The following GNAI1 variants were observed in gnomAD, a reference collection of about 807,000 sequenced individuals.
The protein encoded by GNAI1 is G protein subunit alpha i1.
GNAI1 carries 11 observed loss-of-function variants against 38.9 expected under a neutral mutation model. The observed-to-expected ratio is 0.28, with a 90% confidence interval of 0.18 to 0.47. The LOEUF (loss-of-function observed/expected upper bound fraction) is 0.47, where lower values mean the gene tolerates loss of function less well. GNAI1 is among the 20% of genes least tolerant of loss of function. The pLI is 0.99. For synonymous variants in GNAI1, 166 were observed against 145.1 expected (o/e 1.14, Z -1.04); for missense variants, 317 against 436.9 (o/e 0.73, Z 2.45).
At chr7:80,167,664 G>T (rs1039077932) in intron 1 of GNAI1, among the ~76,000 whole-genome samples, 1 of 152,156 alleles carries the variant, frequency 6.6e-6, no homozygotes, top group African/African-American at 2.4e-5. Flanking sequence ...ATAAAAGTTG[G>T]ATGCTTGTTT....
chr7:80,189,193 G>A lies in GNAI1; in HGVS notation c.265G>A (p.Gly89Arg), dbSNP rs1788437829. 1 of 1,610,824 alleles carries A rather than the reference G, an allele frequency of 6.2e-7. No homozygotes were observed. The highest frequency in any genetic ancestry group is 1.1e-5 in the South Asian group (1 of 90,378). Residue 89 changes from glycine (G) to arginine (R), a missense_variant, in exon 3 of 8, where the codon GGG becomes AGG. Around this residue, in one of 5 missense-constraint regions of GNAI1, gnomAD observed 67 missense variants for 61.5 expected, o/e 1.09. Coordinates refer to ENST00000649796, the MANE Select transcript of GNAI1 (RefSeq NM_002069.6). ...QSIIAIIRAMGRLKIDFGDSA... is the reference protein window; with the variant it reads ...QSIIAIIRAMRRLKIDFGDSA... Reference sequence around the variant, plus strand: ...AATTATTGCTATCATTAGGGCTATGGGGAGGTTGAAGATAGACTTTGGTGA... The same window carrying A: ...AATTATTGCTATCATTAGGGCTATGAGGAGGTTGAAGATAGACTTTGGTGA...
chr7:80,198,652 T>C (rs146350718), intron 3 of GNAI1, among the ~76,000 whole-genome samples: 1 of 152,300 alleles, frequency 6.6e-6, no homozygotes, highest in Non-Finnish European at 1.5e-5. Context: ...CCATTGATTT[T>C]AATGTGTCCA....
At chr7:80,210,509 C>G (rs745989485) in intron 5 of GNAI1, among the ~76,000 whole-genome samples, 21 of 151,364 alleles carry the variant, frequency 1.4e-4, no homozygotes, top group Admixed American at 3.3e-4. Context: ...GTTAAAACGA[C>G]ATGTTTTAGT....
chr7:80,149,889 G>A (rs1787694017), intron 1 of GNAI1, among the ~76,000 whole-genome samples: 1 of 152,024 alleles, frequency 6.6e-6, no homozygotes, highest in Non-Finnish European at 1.5e-5. Context: ...TTTGTTAAAT[G>A]AGAAGAAAAA....
rs934874196 is a variant in GNAI1 at position 80,147,287 on chromosome 7, G to C, written c.118+12009G>C. The stretch of plus-strand genomic sequence containing the variant: ...CGAAACCCTAACCCCCAATGTGATA[G>C]GGTTTGGAGATGGGGCTTTTGGGAA... On this transcript the variant is annotated intron_variant, in intron 1 of 7. Coordinates refer to ENST00000649796, the MANE Select transcript of GNAI1 (RefSeq NM_002069.6). Among the ~76,000 whole-genome samples, 3 of 151,892 alleles carry C rather than the reference G, an allele frequency of 2.0e-5. No individual in the cohort carries two copies. The East Asian group carries it at 5.8e-4, about 29-fold the overall frequency.
chr7:80,180,287 T>C (rs1788268301), intron 1 of GNAI1, among the ~76,000 whole-genome samples: 2 of 151,648 alleles, frequency 1.3e-5, no homozygotes, highest in South Asian at 4.2e-4. Flanking sequence ...CCCTTATAGG[T>C]CTTACATGAA....
At chr7:80,137,317 CT>C (rs398005254) in intron 1 of GNAI1, among the ~76,000 whole-genome samples, 2,382 of 53,932 alleles carry the variant, frequency 0.044, 9 homozygotes, top group Middle Eastern at 0.062. Context: ...CTTTTCTTTT[CT>C]TTTTTTTTTT....
intron 1 of GNAI1, 182 bp downstream of exon 1, chr7:80,135,460 C>A: frequency 2.4e-6 from 1 of 418,580 alleles, no homozygotes; most frequent in Non-Finnish European, 4.1e-6. Context: ...TCTGGTCTCT[C>A]TCCGCCCCGG....
In GNAI1 at chr7:80,225,665, A is replaced by G. The variant is rs1316690631; in HGVS notation, c.*8172A>G. On this transcript the variant is annotated 3_prime_UTR_variant, in exon 8 of 8. Coordinates refer to ENST00000649796, the MANE Select transcript of GNAI1 (RefSeq NM_002069.6). ...TCAGGATAGAGTATCAAATATTCCA[A>G]GGCCTTACATGCATGTTTTGTTTTT... 6.6e-6 allele frequency among the ~76,000 whole-genome samples: 1 copy of G among 152,182 alleles called. No individual in the cohort carries two copies. The highest frequency in any genetic ancestry group is 2.4e-5 in the African/African-American group (1 of 41,446).
rs144748558 is a variant in GNAI1 at position 80,180,144 on chromosome 7, G to A, written c.119-8807G>A. Among the ~76,000 whole-genome samples, 46 of 152,256 alleles carry A rather than the reference G, an allele frequency of 3.0e-4. 1 individual carries two copies. The East Asian group carries it at 8.7e-3, about 29-fold the overall frequency. On this transcript the variant is annotated intron_variant, in intron 1 of 7. Transcript: ENST00000649796. ...AGAAAACAGCTTAGCAAAAACATGA[G>A]CGCAATTAGACTTGAGCTTTAGACA...
At chr7:80,144,777 A>G (rs1454639639) in intron 1 of GNAI1, among the ~76,000 whole-genome samples, 1 of 152,208 alleles carries the variant, frequency 6.6e-6, no homozygotes, top group Non-Finnish European at 1.5e-5. Context: ...CTGCCTTCTT[A>G]TATGGTTCCG....
Position 80,168,592 on chromosome 7 carries a change from T to G in GNAI1, c.119-20359T>G, listed in dbSNP as rs1030584090. 1.7e-4 allele frequency among the ~76,000 whole-genome samples: 26 copies of G among 152,122 alleles called. 1 individual carries two copies. The highest frequency in any genetic ancestry group is 3.5e-4 in the Non-Finnish European group (24 of 68,026). Reference sequence around the variant, plus strand: ...TAGTAGAGTCAGGGTTTCACCGTGTTAGCCAGGATGGTCTCGATCTGACCT... The same window carrying G: ...TAGTAGAGTCAGGGTTTCACCGTGTGAGCCAGGATGGTCTCGATCTGACCT... On this transcript the variant is annotated intron_variant, in intron 1 of 7. Coordinates refer to ENST00000649796, the MANE Select transcript of GNAI1 (RefSeq NM_002069.6).
intron 7 of GNAI1, among the ~76,000 whole-genome samples, chr7:80,216,394 G>C (rs2115723945): frequency 6.6e-6 from 1 of 152,104 alleles, no homozygotes; most frequent in African/African-American, 2.4e-5. Context: ...GATAATCACT[G>C]AAGACCTTAA....
chr7:80,214,833 G>A (rs998109735), intron 7 of GNAI1, among the ~76,000 whole-genome samples: 5 of 152,034 alleles, frequency 3.3e-5, no homozygotes, highest in African/African-American at 4.8e-5. Flanking sequence ...CTGCAGTCAC[G>A]TCATCTTAGC....
At chr7:80,201,040 T>A (rs185675378) in intron 4 of GNAI1, among the ~76,000 whole-genome samples, 3 of 152,356 alleles carry the variant, frequency 2.0e-5, no homozygotes, top group African/African-American at 4.8e-5. Flanking sequence ...AATTCAGTAA[T>A]GTGTTTTTAC....
chr7:80,174,428 CTA>C (rs1788147481), intron 1 of GNAI1, among the ~76,000 whole-genome samples: 1 of 147,552 alleles, frequency 6.8e-6, no homozygotes, highest in African/African-American at 2.5e-5. Flanking sequence ...TATTTTCCCT[CTA>C]TGAATAGTTT....
At chr7:80,172,897 G>T (rs1304092178) in intron 1 of GNAI1, among the ~76,000 whole-genome samples, 1 of 152,160 alleles carries the variant, frequency 6.6e-6, no homozygotes, top group African/African-American at 2.4e-5. Flanking sequence ...GGAACCGAGG[G>T]TAAAGGAAAG....
chr7:80,199,125 C>G, intron 3 of GNAI1, 100 bp from the exon 4 acceptor site: 1 of 813,094 alleles, frequency 1.2e-6, no homozygotes, highest in Non-Finnish European at 1.9e-6. Context: ...AAAGGAAGTT[C>G]GCTATTGCCT....
chr7:80,150,132 AAT>A (rs1007866598), intron 1 of GNAI1, among the ~76,000 whole-genome samples: 3 of 152,168 alleles, frequency 2.0e-5, no homozygotes, highest in African/African-American at 7.2e-5. Flanking sequence ...AAGCTTTATC[AAT>A]ACTTAGTAAA....
Sources: gnomAD v4.1 joint callset for allele counts (sites outside exome capture counted in the v4.1 genomes callset) on GRCh38, gnomAD v4.1.1 for gene constraint, gnomAD v4.1.1 regional missense constraint, MANE v1.5 for transcripts, NCBI Gene and HGNC (gene_info 2026-07-23, HGNC 2026-07-21) for gene names.